Variants in ARHGAP15 observed in about 807,000 individuals in gnomAD.
The protein encoded by ARHGAP15 is rho GTPase-activating protein 15.
A neutral mutation model predicts 63.7 loss-of-function variants in ARHGAP15; 51 were observed. The ratio of observed to expected loss-of-function variants is 0.80; its 90% CI spans 0.64 to 1.01. ARHGAP15 has a LOEUF of 1.01. Ranked by LOEUF, ARHGAP15 falls within the 50% of genes least tolerant of loss-of-function variation. The pLI, the probability that ARHGAP15 is intolerant of heterozygous loss-of-function variation, is 0.00. For missense variants in ARHGAP15, 560 were observed against 564.6 expected (o/e 0.99, Z 0.08); for synonymous variants, 191 against 193.8 (o/e 0.99, Z 0.12).
At chr2:143,684,874 C>T (rs549205412) in intron 12 of ARHGAP15, among the ~76,000 whole-genome samples, 1 of 152,246 alleles carries the variant, frequency 6.6e-6, no homozygotes, top group South Asian at 2.1e-4. Context: ...TAAATAACAT[C>T]GTCCCCGCCA....
intron 11 of ARHGAP15, among the ~76,000 whole-genome samples, chr2:143,562,573 AC>A (rs1696077815): frequency 1.3e-5 from 2 of 152,126 alleles, no homozygotes; most frequent in Admixed American, 1.3e-4. Context: ...TTGATATTGC[AC>A]CTTTTTGGCT....
intron 11 of ARHGAP15, among the ~76,000 whole-genome samples, chr2:143,611,904 A>G (rs1488688610): frequency 3.9e-5 from 6 of 152,160 alleles, no homozygotes; most frequent in Non-Finnish European, 5.9e-5. Context: ...ATGGCCTCAC[A>G]TGGCCTTTTC....
intron 11 of ARHGAP15, chr2:143,563,791 A>G (rs1574639008): frequency 1.3e-5 from 2 of 152,370 alleles, no homozygotes; most frequent in East Asian, 1.9e-4. Context: ...AAAACACACC[A>G]TGCTTGCTTC....
intron 11 of ARHGAP15, among the ~76,000 whole-genome samples, chr2:143,562,327 T>G (rs1350679617): frequency 6.6e-6 from 1 of 152,224 alleles, no homozygotes; most frequent in Non-Finnish European, 1.5e-5. Context: ...AGCAATTGGA[T>G]GAAACAGAAA....
chr2:143,407,317 T>A (rs1676384345), intron 6 of ARHGAP15, among the ~76,000 whole-genome samples: 1 of 151,908 alleles, frequency 6.6e-6, no homozygotes, highest in South Asian at 2.1e-4. Context: ...TCATATTTTT[T>A]AAGATGAAGT....
At chr2:143,518,151 A>G (rs1693902014) in intron 9 of ARHGAP15, among the ~76,000 whole-genome samples, 1 of 152,220 alleles carries the variant, frequency 6.6e-6, no homozygotes, top group South Asian at 2.1e-4. Context: ...TGGTACATTT[A>G]AAAATGGTGG....
rs1003404450 is a variant in ARHGAP15 at position 143,644,135 on chromosome 2, G to A, written c.1138+19868G>A. Among the ~76,000 whole-genome samples, 5 of 152,178 alleles carry A rather than the reference G, an allele frequency of 3.3e-5. No individual in the cohort carries two copies. In the East Asian group the frequency reaches 5.8e-4, roughly 18 times the overall value. ...CAGGAACTTTCAGAAATGAAGATCC[G>A]AAGACCTAGGGAAAACTGTGCATTT... On this transcript the variant is annotated intron_variant, in intron 12 of 13. Coordinates refer to ENST00000295095, the MANE Select transcript of ARHGAP15 (RefSeq NM_018460.4).
chr2:143,200,101 G>T (rs1404105981), intron 2 of ARHGAP15, among the ~76,000 whole-genome samples: 2 of 152,108 alleles, frequency 1.3e-5, no homozygotes, highest in African/African-American at 4.8e-5. Flanking sequence ...ATTGAATCCT[G>T]CTGGCCAGTC....
chr2:143,692,707 C>T (rs1053739150), intron 12 of ARHGAP15, among the ~76,000 whole-genome samples: 1 of 152,188 alleles, frequency 6.6e-6, no homozygotes, highest in African/African-American at 2.4e-5. Context: ...TTGTGTGCAA[C>T]TTCTTTTGAG....
chr2:143,748,977 T>C (rs565155725), intron 13 of ARHGAP15, among the ~76,000 whole-genome samples: 74 of 152,140 alleles, frequency 4.9e-4, no homozygotes, highest in African/African-American at 1.5e-3. Context: ...ATTTTTTTTT[T>C]CCCCCTACAA....
chr2:143,581,184 G>A (rs1696888283), intron 11 of ARHGAP15, among the ~76,000 whole-genome samples: 1 of 151,954 alleles, frequency 6.6e-6, no homozygotes, highest in African/African-American at 2.4e-5. Flanking sequence ...TCCACAAAAA[G>A]CCAGAAGATG....
At chr2:143,556,986 C>T (rs1279339120) in intron 11 of ARHGAP15, among the ~76,000 whole-genome samples, 1 of 152,062 alleles carries the variant, frequency 6.6e-6, no homozygotes, top group Non-Finnish European at 1.5e-5. Context: ...GGCTAAAATA[C>T]TGACAACACC....
At chr2:143,704,507 T>G (rs2105425940) in intron 13 of ARHGAP15, among the ~76,000 whole-genome samples, 1 of 152,222 alleles carries the variant, frequency 6.6e-6, no homozygotes, top group East Asian at 1.9e-4. Context: ...GAAGAAGCGA[T>G]AGTATCGCAG....
At chr2:143,662,382 A>G (rs1452343907) in intron 12 of ARHGAP15, among the ~76,000 whole-genome samples, 3 of 145,824 alleles carry the variant, frequency 2.1e-5, no homozygotes, top group South Asian at 2.4e-4. Context: ...AAACTAACAA[A>G]CAGAAAGGAC....
chr2:143,156,938 G>T (rs984943306), intron 2 of ARHGAP15, among the ~76,000 whole-genome samples: 9 of 151,908 alleles, frequency 5.9e-5, no homozygotes, highest in Non-Finnish European at 1.2e-4. Flanking sequence ...TCTCTATAAT[G>T]TATTATCAGT....
intron 6 of ARHGAP15, among the ~76,000 whole-genome samples, chr2:143,376,018 A>G (rs57203584): frequency 0.2 from 30,045 of 152,268 alleles, 3,409 homozygotes; most frequent in East Asian, 0.42. Flanking sequence ...CGCATGTGGC[A>G]TTCTTTGTCA....
chr2:143,744,266 C>T (rs1686075238), intron 13 of ARHGAP15, among the ~76,000 whole-genome samples: 1 of 152,178 alleles, frequency 6.6e-6, no homozygotes, highest in East Asian at 1.9e-4. Context: ...TAGTTAAGAA[C>T]AGTTCTGCAT....
intron 6 of ARHGAP15, among the ~76,000 whole-genome samples, chr2:143,282,489 G>A (rs1021867458): frequency 6.6e-6 from 1 of 151,958 alleles, no homozygotes; most frequent in African/African-American, 2.4e-5. Context: ...TTGTGTCAGG[G>A]AACTCCTCTT....
intron 12 of ARHGAP15, among the ~76,000 whole-genome samples, chr2:143,678,270 A>G (rs577032999): frequency 6.6e-6 from 1 of 152,294 alleles, no homozygotes; most frequent in South Asian, 2.1e-4. Flanking sequence ...CTTTGCCTCT[A>G]TTTACACTTT....
Sources: allele counts gnomAD v4.1 joint callset (sites outside exome capture counted in the v4.1 genomes callset), GRCh38; gene constraint gnomAD v4.1.1; transcripts MANE v1.5; gene names NCBI Gene and HGNC (gene_info 2026-07-23, HGNC 2026-07-21).